Variants in SOS2 observed in about 807,000 individuals in gnomAD.
The protein encoded by SOS2 is SOS Ras/Rho guanine nucleotide exchange factor 2.
SOS2 carries 65 observed loss-of-function variants against 148.2 expected under a neutral mutation model. The ratio of observed to expected loss-of-function variants is 0.44; its 90% CI spans 0.36 to 0.54. The LOEUF (loss-of-function observed/expected upper bound fraction) is 0.54, where lower values mean the gene tolerates loss of function less well. SOS2 is among the 20% of genes least tolerant of loss of function. SOS2 has a pLI of 0.00. For synonymous variants in SOS2, 539 were observed against 537.1 expected, an observed-to-expected ratio of 1.00 and a Z score of -0.05; for missense variants, 1,341 against 1,590.2, an observed-to-expected ratio of 0.84 and a Z score of 2.67.
chr14:50,155,416 G>A (rs895829395), intron 12 of SOS2, among the ~76,000 whole-genome samples: 7 of 151,980 alleles, frequency 4.6e-5, no homozygotes, highest in Non-Finnish European at 1.0e-4. Context: ...CTGCCTTCTT[G>A]TCTTTGTTCA....
intron 8 of SOS2, among the ~76,000 whole-genome samples, chr14:50,173,681 A>G (rs780968479): frequency 1.3e-5 from 2 of 152,166 alleles, no homozygotes; most frequent in Non-Finnish European, 2.9e-5. Flanking sequence ...TCGGCCTCCC[A>G]AAGTGCTGGG....
In SOS2 at chr14:50,118,699, G is replaced by GT; in HGVS notation, c.3643dup (p.Thr1215AsnfsTer19). 1 of 1,613,826 alleles carries GT rather than the reference G, an allele frequency of 6.2e-7. No homozygotes were observed. Among genetic ancestry groups the GT allele is most frequent in the East Asian group, 2.2e-5 (1 of 44,876 alleles). On this transcript the variant is annotated frameshift_variant, in exon 23 of 23. Transcript: ENST00000216373. LOFTEE classifies it high-confidence loss of function. The stretch of plus-strand genomic sequence containing the variant: ...AGGCCGAAGGGGAACTGGTGGAGGG[G>GT]TATCAGGAAGAGGATCTCTTGGTGG...
chr14:50,156,360 C>T (rs1884820797), intron 12 of SOS2: 1 of 151,942 alleles, frequency 6.6e-6, no homozygotes, highest in African/African-American at 2.4e-5. Context: ...CTTCACCTTG[C>T]TAGGTTTCAA....
intron 13 of SOS2, among the ~76,000 whole-genome samples, chr14:50,152,030 T>C (rs1884676660): frequency 6.6e-6 from 1 of 152,154 alleles, no homozygotes; most frequent in Admixed American, 6.5e-5. Flanking sequence ...TGGCCTAGAA[T>C]ACAACTTGAA....
At chr14:50,220,766 T>C (rs913319231) in intron 1 of SOS2, among the ~76,000 whole-genome samples, 1 of 152,192 alleles carries the variant, frequency 6.6e-6, no homozygotes, top group African/African-American at 2.4e-5. Context: ...TACTTAATAT[T>C]AGGTGAGAGC....
intron 1 of SOS2, among the ~76,000 whole-genome samples, chr14:50,205,529 AACATC>A (rs1298683395): frequency 7.9e-5 from 12 of 152,210 alleles, no homozygotes; most frequent in Admixed American, 5.9e-4. Flanking sequence ...AATTCTTCCT[AACATC>A]ACATCACGTG....
In SOS2 at chr14:50,231,450, C is replaced by G. The variant is rs953789188; in HGVS notation, c.-167G>C. 2.2e-4 allele frequency: 33 copies of G among 152,586 alleles called. No homozygotes were observed. The highest frequency in any genetic ancestry group is 8.6e-4 in the Admixed American group (13 of 15,070). The allele number at this position is 152,586 out of a possible 1,614,324, so 9.5% of individuals were successfully genotyped here. On this transcript the variant is annotated 5_prime_UTR_variant, in exon 1 of 23. Coordinates refer to ENST00000216373, the MANE Select transcript of SOS2 (RefSeq NM_006939.4). ...GCGGCGCCGGCGGGCTGGCGGAGAC[C>G]CCGGGGTCGGCTTCCTCCGCCGAGG...
rs750404664 is a variant in SOS2, at chr14:50,231,329, G to A, written c.-46C>T. 13 of 1,089,094 alleles carry A rather than the reference G, an allele frequency of 1.2e-5. No individual in the cohort carries two copies. Among genetic ancestry groups the A allele is most frequent in the African/African-American group, 1.6e-5 (1 of 61,646 alleles). 67.5% of individuals were successfully genotyped at this position (1,089,094 alleles called of 1,614,324 possible). A position where few individuals can be genotyped will look rare whatever the true frequency, so the allele number is the denominator to read the frequency against. On this transcript the variant is annotated 5_prime_UTR_variant, in exon 1 of 23. Coordinates refer to ENST00000216373, the MANE Select transcript of SOS2 (RefSeq NM_006939.4). ...CGCATCGGGGGCAGCCCGCGGGCCG[G>A]GCCGGTGGCCTGACAGGCAGGGCGC...
intron 20 of SOS2, 40 bp downstream of exon 20, chr14:50,130,461 G>A: frequency 6.4e-7 from 1 of 1,558,412 alleles, no homozygotes; most frequent in African/African-American, 1.4e-5. Flanking sequence ...CTGAGACACA[G>A]GATTCCTTTT....
intron 2 of SOS2, among the ~76,000 whole-genome samples, chr14:50,203,276 G>A (rs1886554197): frequency 1.3e-5 from 2 of 152,106 alleles, no homozygotes; most frequent in Admixed American, 6.6e-5. Context: ...GCTGAGGCAG[G>A]AGAATAGCTT....
At chr14:50,171,592 A>G (rs7144522) in intron 8 of SOS2, among the ~76,000 whole-genome samples, 135,765 of 151,312 alleles carry the variant, frequency 0.9, 61,079 homozygotes, top group African/African-American at 0.95. Flanking sequence ...GCTGAGGCAG[A>G]AGAACTGCTT....
chr14:50,184,252 G>T (rs59396508), intron 5 of SOS2, among the ~76,000 whole-genome samples: 1 of 152,028 alleles, frequency 6.6e-6, no homozygotes, highest in Non-Finnish European at 1.5e-5. Context: ...TCCCGGTTAT[G>T]GCCAACTATT....
intron 12 of SOS2, among the ~76,000 whole-genome samples, chr14:50,154,230 A>G (rs1343879083): frequency 6.6e-6 from 1 of 152,216 alleles, no homozygotes; most frequent in Non-Finnish European, 1.5e-5. Context: ...TACTCCTACA[A>G]CTCAGTAATA....
At chr14:50,131,360 G>T (rs532255764) in intron 19 of SOS2, among the ~76,000 whole-genome samples, 58 of 152,194 alleles carry the variant, frequency 3.8e-4, no homozygotes, top group African/African-American at 1.3e-3. Context: ...ATGCAGCCTT[G>T]AAAAACTTAT....
intron 1 of SOS2, 55 bp downstream of exon 1, chr14:50,231,142 T>G: frequency 9.0e-7 from 1 of 1,109,418 alleles, no homozygotes; most frequent in Non-Finnish European, 1.2e-6. Context: ...TGCTCCCCGT[T>G]AGAAGCTCGG....
intron 6 of SOS2, among the ~76,000 whole-genome samples, chr14:50,181,290 T>TA (rs1202659867): frequency 1.3e-5 from 2 of 151,908 alleles, no homozygotes; most frequent in Admixed American, 6.6e-5. Flanking sequence ...CTACTAAAAA[T>TA]ACAAAAAATT....
At chr14:50,177,916 G>A (rs1035317094) in intron 7 of SOS2, among the ~76,000 whole-genome samples, 5 of 152,134 alleles carry the variant, frequency 3.3e-5, no homozygotes, top group African/African-American at 4.8e-5. Flanking sequence ...TATGTACACG[G>A]TACACAGTGC....
At chr14:50,135,061 G>A (rs1042573166) in intron 18 of SOS2, among the ~76,000 whole-genome samples, 10 of 110,820 alleles carry the variant, frequency 9.0e-5, no homozygotes, top group African/African-American at 2.6e-4. Flanking sequence ...CAACAAGAGC[G>A]AGACTGTCTC....
At chr14:50,129,707 A>T (rs1161453464) in intron 21 of SOS2, among the ~76,000 whole-genome samples, 3 of 152,210 alleles carry the variant, frequency 2.0e-5, no homozygotes, top group African/African-American at 7.2e-5. Context: ...CAGTTATTTC[A>T]TTTAATCCTT....
Sources: gnomAD v4.1 joint callset for allele counts (sites outside exome capture counted in the v4.1 genomes callset) on GRCh38, gnomAD v4.1.1 for gene constraint, MANE v1.5 for transcripts, NCBI Gene and HGNC (gene_info 2026-07-23, HGNC 2026-07-21) for gene names.